ME3: variants seen among roughly 807,000 people sequenced by gnomAD.
ME3 encodes the protein malic enzyme 3.
In ME3, 48 loss-of-function variants were observed where a neutral mutation model predicts 68.9. The ratio of observed to expected loss-of-function variants is 0.70; its 90% CI spans 0.55 to 0.89. The LOEUF is 0.89. Among genes scored for constraint, ME3 ranks in the 40% least tolerant of loss-of-function variants. The pLI is 0.00. For missense variants in ME3, 675 were observed against 797.4 expected, an observed-to-expected ratio of 0.85 and a Z score of 1.85; for synonymous variants, 320 against 318.8, an observed-to-expected ratio of 1.00 and a Z score of -0.04.
the ME3 span, chr11:86,435,756 C>A: frequency 6.6e-6 from 1 of 152,240 alleles, no homozygotes; most frequent in Admixed American, 6.5e-5. Context: ...TGATACATAG[C>A]AGTTGCAACA....
At chr11:86,671,508 A>G (rs1946939847) in intron 2 of ME3, among the ~76,000 whole-genome samples, 1 of 152,250 alleles carries the variant, frequency 6.6e-6, no homozygotes, top group Non-Finnish European at 1.5e-5. Flanking sequence ...GACCGCGAGG[A>G]TCTAAACCTG....
At chr11:86,599,551 C>A (rs1960214417) in intron 2 of ME3, among the ~76,000 whole-genome samples, 1 of 152,200 alleles carries the variant, frequency 6.6e-6, no homozygotes, top group African/African-American at 2.4e-5. Flanking sequence ...AGGACAACTT[C>A]CCCAATCTAG....
chr11:86,652,438 T>A (rs564756933), intron 2 of ME3, among the ~76,000 whole-genome samples: 14 of 152,230 alleles, frequency 9.2e-5, no homozygotes, highest in Non-Finnish European at 1.5e-4. Flanking sequence ...GGGGTCAATA[T>A]TCAACATTCT....
At chr11:86,507,933 T>C (rs1318393822) in intron 5 of ME3, among the ~76,000 whole-genome samples, 1 of 150,892 alleles carries the variant, frequency 6.6e-6, no homozygotes, top group Non-Finnish European at 1.5e-5. Context: ...TGCAATAATC[T>C]GTGACTGCAC....
intron 4 of ME3, among the ~76,000 whole-genome samples, chr11:86,521,503 C>G (rs970715675): frequency 4.0e-5 from 6 of 151,640 alleles, no homozygotes; most frequent in Admixed American, 3.9e-4. Context: ...CTGGTGTGAG[C>G]ATTAAATAAA....
intron 2 of ME3, among the ~76,000 whole-genome samples, chr11:86,569,872 A>C (rs1283211510): frequency 6.6e-6 from 1 of 152,202 alleles, no homozygotes; most frequent in Non-Finnish European, 1.5e-5. Flanking sequence ...CAAATTTCTG[A>C]GTCTTTCCTC....
chr11:86,519,583 CAGG>C (rs1214399351), intron 4 of ME3, among the ~76,000 whole-genome samples: 15 of 152,184 alleles, frequency 9.9e-5, no homozygotes, highest in African/African-American at 3.1e-4. Flanking sequence ...CAGCTGGGCT[CAGG>C]AGGAGGGATA....
intron 4 of ME3, among the ~76,000 whole-genome samples, chr11:86,540,071 G>C (rs1955942184): frequency 6.6e-6 from 1 of 152,174 alleles, no homozygotes; most frequent in African/African-American, 2.4e-5. Flanking sequence ...TTCTGAGCTA[G>C]GGAATCTGGA....
chr11:86,467,160 T>C (rs991149180), intron 7 of ME3, among the ~76,000 whole-genome samples: 3 of 152,254 alleles, frequency 2.0e-5, no homozygotes, highest in Admixed American at 1.3e-4. Flanking sequence ...ATAGTTACTA[T>C]TTTGTGTGTG....
At chr11:86,504,094 T>A (rs554954012) in intron 5 of ME3, among the ~76,000 whole-genome samples, 6 of 152,348 alleles carry the variant, frequency 3.9e-5, no homozygotes, top group African/African-American at 1.2e-4. Context: ...TTTCTTACAT[T>A]GCAGTTTTCA....
At chr11:86,447,317 G>A in intron 11 of ME3, 110 bp from the exon 12 acceptor site, 1 of 1,428,538 alleles carries the variant, frequency 7.0e-7, no homozygotes. Flanking sequence ...CTCGGTCTTG[G>A]GCCCAGCATC....
At chr11:86,552,449 C>T (rs1422527728) in intron 4 of ME3, among the ~76,000 whole-genome samples, 2 of 152,194 alleles carry the variant, frequency 1.3e-5, no homozygotes, top group Admixed American at 1.3e-4. Flanking sequence ...CCTGCTAAGT[C>T]GGTTTGGCCA....
chr11:86,655,551 A>G (rs1945805272), intron 2 of ME3, among the ~76,000 whole-genome samples: 1 of 152,152 alleles, frequency 6.6e-6, no homozygotes, highest in Non-Finnish European at 1.5e-5. Context: ...CCATATGTAG[A>G]AAGCTGAAAC....
At chr11:86,611,926 TCTTTTTTTA>T (rs1024179919) in intron 2 of ME3, among the ~76,000 whole-genome samples, 26 of 57,836 alleles carry the variant, frequency 4.5e-4, no homozygotes, top group African/African-American at 1.7e-3. Flanking sequence ...TTTGGTTTAC[TCTTTTTTTA>T]TTTTTAATTT....
intron 2 of ME3, among the ~76,000 whole-genome samples, chr11:86,579,171 C>G (rs1030883337): frequency 6.6e-6 from 1 of 152,176 alleles, no homozygotes; most frequent in Admixed American, 6.5e-5. Flanking sequence ...ATGATCTTTT[C>G]ATTTGAACCG....
chr11:86,452,526 T>C lies in ME3; in HGVS notation c.920-2128A>G, dbSNP rs138316627. On this transcript the variant is annotated intron_variant, in intron 8 of 14. Transcript: ENST00000543262. The stretch of plus-strand genomic sequence containing the variant: ...TCAGAAATGAAGGTTTGGGTCACTC[T>C]ACTGGGTAAAGAATCCCAGCCACCT... Among the ~76,000 whole-genome samples, 10 of 152,328 alleles carry C rather than the reference T, an allele frequency of 6.6e-5. No homozygotes were observed. In the East Asian group the frequency reaches 1.9e-3, roughly 29 times the overall value.
chr11:86,556,830 G>C, intron 3 of ME3, 128 bp from the exon 4 acceptor site: 1 of 970,582 alleles, frequency 1.0e-6, no homozygotes, highest in East Asian at 2.5e-5. Flanking sequence ...CAAGCCATCT[G>C]CCCTGAGCAT....
At chr11:86,608,814 G>A (rs546809860) in intron 2 of ME3, among the ~76,000 whole-genome samples, 99 of 152,168 alleles carry the variant, frequency 6.5e-4, no homozygotes, top group African/African-American at 2.4e-3. Flanking sequence ...ATAATTAACT[G>A]GTATATAAGA....
At chr11:86,536,850 A>C (rs531132130) in intron 4 of ME3, among the ~76,000 whole-genome samples, 1 of 152,332 alleles carries the variant, frequency 6.6e-6, no homozygotes, top group African/African-American at 2.4e-5. Flanking sequence ...TGTTTATTGC[A>C]GCATTTTTCA....
Sources: gnomAD v4.1 joint callset for allele counts (sites outside exome capture counted in the v4.1 genomes callset) on GRCh38, gnomAD v4.1.1 for gene constraint, MANE v1.5 for transcripts, NCBI Gene and HGNC (gene_info 2026-07-23, HGNC 2026-07-21) for gene names.